The following AUTS2 variants were observed in gnomAD, a reference collection of about 807,000 sequenced individuals.
AUTS2 encodes the protein autism susceptibility gene 2 protein.
In AUTS2, 17 loss-of-function variants were observed where a neutral mutation model predicts 112.4. That is an observed-to-expected ratio of 0.15 (90% CI 0.10 to 0.23). AUTS2 has a LOEUF of 0.23. Among genes scored for constraint, AUTS2 ranks in the 10% least tolerant of loss-of-function variants. The pLI is 1.00. For synonymous variants in AUTS2, 751 were observed against 702.7 expected, an observed-to-expected ratio of 1.07 and a Z score of -1.09; for missense variants, 1,510 against 1,701.6, an observed-to-expected ratio of 0.89 and a Z score of 1.98.
At chr7:70,693,101 C>T (rs1206985756) in intron 5 of AUTS2, among the ~76,000 whole-genome samples, 1 of 152,172 alleles carries the variant, frequency 6.6e-6, no homozygotes, top group African/African-American at 2.4e-5. Context: ...AGCTTTTCCT[C>T]TGCACCAAGG....
chr7:70,513,347 G>C (rs1799278630), intron 5 of AUTS2, among the ~76,000 whole-genome samples: 1 of 152,176 alleles, frequency 6.6e-6, no homozygotes, highest in South Asian at 2.1e-4. Flanking sequence ...GGAGAGCACA[G>C]CACCAGAAGC....
At chr7:70,089,655 T>A (rs1803804766) in intron 2 of AUTS2, among the ~76,000 whole-genome samples, 1 of 152,184 alleles carries the variant, frequency 6.6e-6, no homozygotes, top group South Asian at 2.1e-4. Context: ...TATTTTTTCC[T>A]ATGTTCCTCT....
rs907182525 is a variant in AUTS2, at chr7:70,694,806, T to C, written c.691-3763T>C. On this transcript the variant is annotated intron_variant, in intron 5 of 18. Transcript: ENST00000342771. This position sits in a 1 kb window ranked among gnomAD's most constrained non-coding sequence, Gnocchi z 4.1. The stretch of plus-strand genomic sequence containing the variant: ...GGATGTGTGCGCGCGGCGCCGGCTC[T>C]CGGTCGCCCCGAAGCTGTTGCCCGG... 15 of 151,140 alleles carry C rather than the reference T, an allele frequency of 9.9e-5. No individual in the cohort carries two copies. Among genetic ancestry groups the C allele is most frequent in the Non-Finnish European group, 1.6e-4 (11 of 67,664 alleles). The allele number at this position is 151,140 out of a possible 1,614,324, so 9.4% of individuals were successfully genotyped here.
chr7:70,444,373 T>TGTGTGTGTGTGTGAGA lies in AUTS2; in HGVS notation c.690+8593_690+8594insTGTGTGTGTGTGAGAG, dbSNP rs372696006. Among the ~76,000 whole-genome samples the TGTGTGTGTGTGTGAGA allele has an allele frequency of 1.3e-3, 189 of 142,488 alleles. 1 individual carries two copies. The highest frequency in any genetic ancestry group is 4.8e-3 in the African/African-American group (180 of 37,206). The allele number at this position is 142,488 out of a possible 152,430, so 93.5% of individuals were successfully genotyped here. ...GTGTGTGTGTGTGTGTGTGTGTGTG[T>TGTGTGTGTGTGTGAGA]GAGAGAGAGAGAGAGAGAGAAAGAG... On this transcript the variant is annotated intron_variant, in intron 5 of 18. Transcript: ENST00000342771.
chr7:70,065,120 T>A (rs1802427979), intron 2 of AUTS2, among the ~76,000 whole-genome samples: 1 of 152,136 alleles, frequency 6.6e-6, no homozygotes, highest in South Asian at 2.1e-4. Context: ...TAACACAGCA[T>A]CTGAACAAAT....
intron 5 of AUTS2, among the ~76,000 whole-genome samples, chr7:70,521,097 G>A (rs2129494923): frequency 6.6e-6 from 1 of 152,270 alleles, no homozygotes; most frequent in Non-Finnish European, 1.5e-5. Flanking sequence ...AATGCTAGGT[G>A]TTTGGTCACT....
At chr7:69,981,396 G>A (rs1437778289) in intron 2 of AUTS2, among the ~76,000 whole-genome samples, 1 of 152,110 alleles carries the variant, frequency 6.6e-6, no homozygotes, top group Non-Finnish European at 1.5e-5. Flanking sequence ...TAGGATGTAT[G>A]TCATTTTTAT....
chr7:69,665,218 C>T (rs1795978907), intron 1 of AUTS2, among the ~76,000 whole-genome samples: 1 of 152,174 alleles, frequency 6.6e-6, no homozygotes, highest in Admixed American at 6.5e-5. Context: ...CCTCTCTCCT[C>T]CCCTAAGCCT....
At chr7:70,570,333 G>A (rs1019085696) in intron 5 of AUTS2, among the ~76,000 whole-genome samples, 4 of 152,122 alleles carry the variant, frequency 2.6e-5, no homozygotes, top group African/African-American at 9.7e-5. Context: ...CTTGTCTGTA[G>A]GTATTCTAAA....
At chr7:69,750,230 G>A (rs903221483) in intron 1 of AUTS2, among the ~76,000 whole-genome samples, 4 of 151,998 alleles carry the variant, frequency 2.6e-5, no homozygotes, top group African/African-American at 7.2e-5. Context: ...AGGCAAAAGC[G>A]TAAGGGTGTG....
At chr7:70,142,504 C>T (rs774664913) in intron 4 of AUTS2, among the ~76,000 whole-genome samples, 2 of 152,114 alleles carry the variant, frequency 1.3e-5, no homozygotes, top group Non-Finnish European at 2.9e-5. Flanking sequence ...GAAAGGAGTC[C>T]TGATTTCAAC....
At chr7:70,360,810 T>C (rs1792225978) in intron 4 of AUTS2, among the ~76,000 whole-genome samples, 1 of 152,136 alleles carries the variant, frequency 6.6e-6, no homozygotes. Context: ...AAGGACTCAT[T>C]GTCACATTCT....
intron 5 of AUTS2, among the ~76,000 whole-genome samples, chr7:70,462,360 A>C (rs980639461): frequency 6.6e-6 from 1 of 152,234 alleles, no homozygotes; most frequent in African/African-American, 2.4e-5. Context: ...TGATAGATAC[A>C]TAATGAGCTG....
intron 5 of AUTS2, among the ~76,000 whole-genome samples, chr7:70,473,836 T>G (rs2115974102): frequency 6.6e-6 from 1 of 152,164 alleles, no homozygotes; most frequent in Admixed American, 6.5e-5. Context: ...TCCCATCGTG[T>G]GTCCTGGGTC....
chr7:70,542,607 T>C (rs1800597934), intron 5 of AUTS2, among the ~76,000 whole-genome samples: 1 of 152,238 alleles, frequency 6.6e-6, no homozygotes, highest in Non-Finnish European at 1.5e-5. Context: ...GGGTAAACTT[T>C]ATGTGTTAAA....
chr7:70,640,421 G>GAAAAAA (rs57911940), intron 5 of AUTS2, among the ~76,000 whole-genome samples: 2 of 93,634 alleles, frequency 2.1e-5, no homozygotes, highest in Non-Finnish European at 3.9e-5. Flanking sequence ...CTCACAGGGG[G>GAAAAAA]AAAAAAAAAA....
intron 5 of AUTS2, among the ~76,000 whole-genome samples, chr7:70,697,506 CCT>C (rs796555314): frequency 7.2e-5 from 11 of 151,952 alleles, no homozygotes; most frequent in African/African-American, 2.4e-4. Context: ...AATTGAATAT[CCT>C]CTTTGTCCCT....
At chr7:70,397,773 C>A (rs1468476391) in intron 4 of AUTS2, among the ~76,000 whole-genome samples, 1 of 151,798 alleles carries the variant, frequency 6.6e-6, no homozygotes, top group Non-Finnish European at 1.5e-5. Context: ...TGATGAAGCC[C>A]AATTAATTAA....
At chr7:70,451,607 T>C (rs139629134) in intron 5 of AUTS2, among the ~76,000 whole-genome samples, 98 of 152,276 alleles carry the variant, frequency 6.4e-4, no homozygotes, top group African/African-American at 2.3e-3. Flanking sequence ...TAAAGTACCA[T>C]ATATAGTTCA....
Sources: allele counts gnomAD v4.1 joint callset (sites outside exome capture counted in the v4.1 genomes callset), GRCh38; gene constraint gnomAD v4.1.1; non-coding constraint Gnocchi (gnomAD v3.1); transcripts MANE v1.5; gene names NCBI Gene and HGNC (gene_info 2026-07-23, HGNC 2026-07-21).